Variants in CTNNBIP1 observed in about 807,000 individuals in gnomAD.
The protein encoded by CTNNBIP1 is beta-catenin-interacting protein 1.
A neutral mutation model predicts 11.8 loss-of-function variants in CTNNBIP1; 7 were observed. The observed-to-expected ratio is 0.60, with a 90% CI of 0.34 to 1.12. The LOEUF (loss-of-function observed/expected upper bound fraction) is 1.12. Among genes scored for constraint, CTNNBIP1 ranks in the 50% most tolerant of loss-of-function variants. CTNNBIP1 has a pLI of 0.03. For synonymous variants in CTNNBIP1, 58 were observed against 43.9 expected, an observed-to-expected ratio of 1.32 and a Z score of -1.26; for missense variants, 101 against 113.4, an observed-to-expected ratio of 0.89 and a Z score of 0.50.
At chr1:9,884,927 C>A (rs907216336) in intron 1 of CTNNBIP1, among the ~76,000 whole-genome samples, 1 of 151,958 alleles carries the variant, frequency 6.6e-6, no homozygotes, top group Admixed American at 6.6e-5. Context: ...GGTGGGGCTG[C>A]GGTGGAACAG....
intron 1 of CTNNBIP1, among the ~76,000 whole-genome samples, chr1:9,892,257 C>T (rs531348355): frequency 1.3e-5 from 2 of 152,046 alleles, no homozygotes; most frequent in South Asian, 2.1e-4. Context: ...CCCGTCTCTA[C>T]TAAAAATACA....
chr1:9,892,030 T>C (rs1570592248), intron 1 of CTNNBIP1, among the ~76,000 whole-genome samples: 1 of 152,126 alleles, frequency 6.6e-6, no homozygotes, highest in Non-Finnish European at 1.5e-5. Flanking sequence ...GGTCTCAAAA[T>C]CCTGACCTCA....
At chr1:9,875,570 C>T (rs575037528) in intron 3 of CTNNBIP1, among the ~76,000 whole-genome samples, 220 of 152,360 alleles carry the variant, frequency 1.4e-3, no homozygotes, top group Non-Finnish European at 2.5e-3. Flanking sequence ...CCTGCGGTGT[C>T]GTCTGCGCCT....
intron 5 of CTNNBIP1, among the ~76,000 whole-genome samples, chr1:9,863,497 C>T (rs941066302): frequency 6.6e-6 from 1 of 152,214 alleles, no homozygotes; most frequent in South Asian, 2.1e-4. Flanking sequence ...CCGTGTGGCA[C>T]CGGGCCAGTG....
chr1:9,883,505 G>T lies in CTNNBIP1; in HGVS notation c.-110+200C>A, dbSNP rs1281871833. Among the ~76,000 whole-genome samples, 1 of 152,280 alleles carries T rather than the reference G, an allele frequency of 6.6e-6. No homozygotes were observed. The highest frequency in any genetic ancestry group is 1.9e-4 in the East Asian group (1 of 5,176). On this transcript the variant is annotated intron_variant, in intron 2 of 5. Transcript: ENST00000377263. The surrounding 1 kb of genome is among the most constrained non-coding windows in gnomAD (Gnocchi z 5.6). ...CACAGCCCTCACTAAGCATGGGACT[G>T]CCCCCCATGCACATGCTCCAACAGG...
At chr1:9,877,019 G>A (rs765740483) in intron 3 of CTNNBIP1, among the ~76,000 whole-genome samples, 1 of 152,130 alleles carries the variant, frequency 6.6e-6, no homozygotes, top group Non-Finnish European at 1.5e-5. Flanking sequence ...GCCACAACAC[G>A]TTCTCAGGGA....
chr1:9,906,007 A>C lies in CTNNBIP1; in HGVS notation c.-144+4088T>G, dbSNP rs1275781713. 2.6e-5 allele frequency among the ~76,000 whole-genome samples: 4 copies of C among 152,212 alleles called. No individual in the cohort carries two copies. In the East Asian group the frequency reaches 7.7e-4, roughly 29 times the overall value. On this transcript the variant is annotated intron_variant, in intron 1 of 5. Transcript: ENST00000377263. The stretch of plus-strand genomic sequence containing the variant: ...AGCTTAAATGCTGGTGGGAGCTAAG[A>C]AGCAGATAAAAAAAGGCGAAATAAT...
chr1:9,874,837 A>G (rs1638931645), intron 3 of CTNNBIP1, among the ~76,000 whole-genome samples: 1 of 152,232 alleles, frequency 6.6e-6, no homozygotes, highest in Non-Finnish European at 1.5e-5. Context: ...AACCAAATTT[A>G]GCTTTTCCAA....
chr1:9,882,113 C>T (rs1347513447), intron 2 of CTNNBIP1, among the ~76,000 whole-genome samples: 1 of 152,168 alleles, frequency 6.6e-6, no homozygotes, highest in Non-Finnish European at 1.5e-5. Flanking sequence ...GTAGTGAGCT[C>T]TGCAGGAAGG....
chr1:9,884,508 T>C (rs914788343), intron 1 of CTNNBIP1, among the ~76,000 whole-genome samples: 4 of 152,116 alleles, frequency 2.6e-5, no homozygotes, highest in Admixed American at 6.5e-5. Context: ...AGCTTCTATC[T>C]AGCAGGTCAC....
Position 9,871,078 on chromosome 1 carries a change from C to G in CTNNBIP1, c.187+109G>C. 1.2e-6 allele frequency: 1 copy of G among 805,878 alleles called. No individual in the cohort carries two copies. The highest frequency in any genetic ancestry group is 2.0e-6 in the Non-Finnish European group (1 of 508,848). 49.9% of individuals were successfully genotyped at this position (805,878 alleles called of 1,614,324 possible). A position where few individuals can be genotyped will look rare whatever the true frequency, so the allele number is the denominator to read the frequency against. ...TAGCCCCTCCTAGTCAGCCCTGGGT[C>G]TCATGGATCACCCATCAAAGAGGGC... On this transcript the variant is annotated intron_variant, in intron 5 of 5. Transcript: ENST00000377263. The surrounding 1 kb of genome is among the most constrained non-coding windows in gnomAD (Gnocchi z 5.2).
In CTNNBIP1 at chr1:9,872,147, A is replaced by C; in HGVS notation, c.-24-59T>G. The C allele has an allele frequency of 9.7e-7, 1 of 1,027,396 alleles. No individual in the cohort carries two copies. Among genetic ancestry groups the C allele is most frequent in the Non-Finnish European group, 1.5e-6 (1 of 658,860 alleles). The allele number at this position is 1,027,396 out of a possible 1,614,324, so 63.6% of individuals were successfully genotyped here. ...GATCAGGATGTGACATACTGGGACA[A>C]TGACACCTGCTAGTGACCCTCACTC... On this transcript the variant is annotated intron_variant, in intron 3 of 5. Coordinates refer to ENST00000377263, the MANE Select transcript of CTNNBIP1 (RefSeq NM_020248.3). This position sits in a 1 kb window ranked among gnomAD's most constrained non-coding sequence, Gnocchi z 4.0.
chr1:9,892,656 G>A (rs1323695186), intron 1 of CTNNBIP1, among the ~76,000 whole-genome samples: 1 of 152,050 alleles, frequency 6.6e-6, no homozygotes, highest in African/African-American at 2.4e-5. Flanking sequence ...CAGCATAAAG[G>A]TATGTGTTAA....
At chr1:9,905,402 C>A (rs1005884654) in intron 1 of CTNNBIP1, among the ~76,000 whole-genome samples, 1 of 151,956 alleles carries the variant, frequency 6.6e-6, no homozygotes, top group African/African-American at 2.4e-5. Flanking sequence ...TTTATTTTCC[C>A]CCGTATCTCT....
Position 9,850,662 on chromosome 1 carries a change from G to T in CTNNBIP1, c.*56C>A. The T allele has an allele frequency of 6.5e-7, 1 of 1,544,502 alleles. No homozygotes were observed. Among genetic ancestry groups the T allele is most frequent in the East Asian group, 2.2e-5 (1 of 44,506 alleles). On this transcript the variant is annotated 3_prime_UTR_variant, in exon 6 of 6. Transcript: ENST00000377263. ...CTGCTGCCACTCAGCCGGCCCAGGA[G>T]CCACACAGATCTCTTGGCCCTCAAC...
intron 5 of CTNNBIP1, among the ~76,000 whole-genome samples, chr1:9,857,944 G>A (rs772379593): frequency 5.9e-5 from 9 of 152,216 alleles, no homozygotes; most frequent in Non-Finnish European, 1.2e-4. Flanking sequence ...GCTGGTGGGA[G>A]TGTCAGGTGG....
At chr1:9,902,908 G>A (rs533717649) in intron 1 of CTNNBIP1, among the ~76,000 whole-genome samples, 1 of 152,098 alleles carries the variant, frequency 6.6e-6, no homozygotes, top group African/African-American at 2.4e-5. Flanking sequence ...TGGGACTACA[G>A]GTGCGTACCA....
chr1:9,896,534 A>T (rs955139975), intron 1 of CTNNBIP1, among the ~76,000 whole-genome samples: 1 of 152,092 alleles, frequency 6.6e-6, no homozygotes, highest in African/African-American at 2.4e-5. Flanking sequence ...CCCCGTCTCT[A>T]CTAAAAATAT....
intron 1 of CTNNBIP1, among the ~76,000 whole-genome samples, chr1:9,908,904 G>C (rs1297480377): frequency 6.6e-6 from 1 of 152,182 alleles, no homozygotes; most frequent in Non-Finnish European, 1.5e-5. Context: ...CCATAGAGGT[G>C]ATTTGTATTT....
Sources: allele counts gnomAD v4.1 joint callset (sites outside exome capture counted in the v4.1 genomes callset), GRCh38; gene constraint gnomAD v4.1.1; non-coding constraint Gnocchi (gnomAD v3.1); transcripts MANE v1.5; gene names NCBI Gene and HGNC (gene_info 2026-07-23, HGNC 2026-07-21).